ULK4: variants seen among roughly 807,000 people sequenced by gnomAD.
ULK4 encodes unc-51 like kinase 4.
A neutral mutation model predicts 160.6 loss-of-function variants in ULK4; 133 were observed. That is an observed-to-expected ratio of 0.83 (90% CI 0.72 to 0.96). The LOEUF is 0.96. Among genes scored for constraint, ULK4 ranks in the 40% least tolerant of loss-of-function variants. The pLI is 0.00. For synonymous variants in ULK4, 534 were observed against 539.8 expected (o/e 0.99, Z 0.15); for missense variants, 1,580 against 1,499.5 (o/e 1.05, Z -0.89).
chr3:41,827,464 G>A (rs1206288970), intron 18 of ULK4, among the ~76,000 whole-genome samples: 1 of 151,966 alleles, frequency 6.6e-6, no homozygotes, highest in Non-Finnish European at 1.5e-5. Context: ...TGACAAAGGG[G>A]ATATCACCAC....
At chr3:41,247,833 C>G (rs968882156) in intron 36 of ULK4, among the ~76,000 whole-genome samples, 1 of 152,240 alleles carries the variant, frequency 6.6e-6, no homozygotes, top group Non-Finnish European at 1.5e-5. Flanking sequence ...AAACTACTGG[C>G]AGAGCAGCAT....
intron 35 of ULK4, among the ~76,000 whole-genome samples, chr3:41,389,794 T>C (rs1459734728): frequency 6.6e-6 from 1 of 152,216 alleles, no homozygotes; most frequent in Admixed American, 6.5e-5. Context: ...TTGAGGATTT[T>C]TGCATCGATG....
intron 34 of ULK4, among the ~76,000 whole-genome samples, chr3:41,407,780 C>CGGA (rs957392326): frequency 1.3e-5 from 2 of 152,150 alleles, no homozygotes; most frequent in Non-Finnish European, 1.5e-5. Context: ...AGTGAACTCC[C>CGGA]TTCCCCTAAG....
intron 34 of ULK4, among the ~76,000 whole-genome samples, chr3:41,442,741 G>T (rs1256885659): frequency 6.6e-6 from 1 of 152,006 alleles, no homozygotes; most frequent in Admixed American, 6.6e-5. Flanking sequence ...CTACAGACAT[G>T]AGCCACTGCA....
At chr3:41,354,101 C>T (rs1348374430) in intron 35 of ULK4, among the ~76,000 whole-genome samples, 3 of 152,156 alleles carry the variant, frequency 2.0e-5, no homozygotes, top group Non-Finnish European at 4.4e-5. Flanking sequence ...GGAAACTCAT[C>T]CCAGAAGTCA....
Position 41,400,723 on chromosome 3 carries a change from T to C in ULK4, c.3493-2459A>G, listed in dbSNP as rs117774339. 2.4e-3 allele frequency among the ~76,000 whole-genome samples: 367 copies of C among 152,330 alleles called. 2 individuals carry two copies. Among genetic ancestry groups the C allele is most frequent in the East Asian group, 0.015 (79 of 5,182 alleles). On this transcript the variant is annotated intron_variant, in intron 34 of 36. Coordinates refer to ENST00000301831, the MANE Select transcript of ULK4 (RefSeq NM_017886.4). The stretch of plus-strand genomic sequence containing the variant: ...ATGGCTGGGTTGTATGGGAGACTCA[T>C]ATTTAGTTTTTTAAGAAACTGTCAA...
At chr3:41,558,076 C>T (rs1399759373) in intron 32 of ULK4, among the ~76,000 whole-genome samples, 2 of 152,116 alleles carry the variant, frequency 1.3e-5, no homozygotes, top group Non-Finnish European at 2.9e-5. Flanking sequence ...CTTACTTATG[C>T]ATATATCCTT....
At chr3:41,911,274 A>G in intron 11 of ULK4, 43 bp downstream of exon 11, 2 of 1,585,836 alleles carry the variant, frequency 1.3e-6, no homozygotes, top group Non-Finnish European at 1.7e-6. Flanking sequence ...AAGAAAATTT[A>G]ACTTTTGTCT....
At chr3:41,676,717 T>TA (rs1429350531) in intron 29 of ULK4, among the ~76,000 whole-genome samples, 1 of 152,192 alleles carries the variant, frequency 6.6e-6, no homozygotes, top group Admixed American at 6.5e-5. Flanking sequence ...TGAAATAAGA[T>TA]ACATTTAGTA....
intron 18 of ULK4, among the ~76,000 whole-genome samples, chr3:41,828,832 T>C (rs1187122905): frequency 1.3e-5 from 2 of 151,288 alleles, no homozygotes; most frequent in East Asian, 1.9e-4. Context: ...GAGCCCACAT[T>C]GCCAAGTCAA....
At chr3:41,458,319 T>C (rs1310243133) in intron 33 of ULK4, among the ~76,000 whole-genome samples, 2 of 152,216 alleles carry the variant, frequency 1.3e-5, no homozygotes, top group Non-Finnish European at 2.9e-5. Context: ...CTGAATCATA[T>C]TCATCTTTAC....
intron 34 of ULK4, among the ~76,000 whole-genome samples, chr3:41,402,162 C>A (rs533793513): frequency 6.6e-6 from 1 of 152,248 alleles, no homozygotes; most frequent in African/African-American, 2.4e-5. Flanking sequence ...AAAACTTGCA[C>A]ATATTTAATG....
At chr3:41,607,855 A>G (rs887995907) in intron 31 of ULK4, among the ~76,000 whole-genome samples, 4 of 152,196 alleles carry the variant, frequency 2.6e-5, no homozygotes, top group African/African-American at 9.6e-5. Flanking sequence ...CACTGCTGCT[A>G]TGGACATTAT....
At chr3:41,471,326 A>G (rs1047846483) in intron 32 of ULK4, among the ~76,000 whole-genome samples, 1 of 152,202 alleles carries the variant, frequency 6.6e-6, no homozygotes, top group African/African-American at 2.4e-5. Flanking sequence ...TATGCACCCA[A>G]CATCAGAGCA....
intron 21 of ULK4, 37 bp from the exon 22 acceptor site, chr3:41,754,525 T>TA (rs776978170): frequency 1.1e-4 from 182 of 1,593,078 alleles, no homozygotes; most frequent in Non-Finnish European, 1.5e-4. Flanking sequence ...TGAGAGAACA[T>TA]AAAAAAATAG....
At chr3:41,339,188 G>C (rs962531275) in intron 35 of ULK4, among the ~76,000 whole-genome samples, 1 of 151,964 alleles carries the variant, frequency 6.6e-6, no homozygotes, top group African/African-American at 2.4e-5. Flanking sequence ...ACATTGCCAG[G>C]GCTTTCCCCA....
chr3:41,385,334 A>T (rs2081781208), intron 35 of ULK4, among the ~76,000 whole-genome samples: 1 of 152,182 alleles, frequency 6.6e-6, no homozygotes, highest in African/African-American at 2.4e-5. Context: ...TTGAAAGAGC[A>T]GAAGATGCTG....
At chr3:41,293,343 G>A (rs568557032) in intron 35 of ULK4, among the ~76,000 whole-genome samples, 2 of 152,274 alleles carry the variant, frequency 1.3e-5, no homozygotes, top group South Asian at 2.1e-4. Context: ...GGTCTCAGGA[G>A]AATGAGATTA....
chr3:41,805,027 T>A (rs1014836671), intron 19 of ULK4, among the ~76,000 whole-genome samples: 17 of 152,230 alleles, frequency 1.1e-4, no homozygotes, highest in Admixed American at 2.0e-4. Flanking sequence ...AAGAAAGTCA[T>A]TGGTAGCTTG....
Sources: allele counts gnomAD v4.1 joint callset (sites outside exome capture counted in the v4.1 genomes callset), GRCh38; gene constraint gnomAD v4.1.1; transcripts MANE v1.5; gene names NCBI Gene and HGNC (gene_info 2026-07-23, HGNC 2026-07-21).